HOMER2: variants seen among roughly 807,000 people sequenced by gnomAD.
The protein encoded by HOMER2 is homer protein homolog 2.
HOMER2 carries 27 observed loss-of-function variants against 47.0 expected under a neutral mutation model. The ratio of observed to expected loss-of-function variants is 0.57; its 90% CI spans 0.42 to 0.79. HOMER2 has a LOEUF of 0.79. Ranked by LOEUF, HOMER2 falls within the 30% of genes least tolerant of loss-of-function variation. The pLI, the probability that HOMER2 is intolerant of heterozygous loss-of-function variation, is 0.00. For synonymous variants in HOMER2, 161 were observed against 163.8 expected (o/e 0.98, Z 0.13); for missense variants, 443 against 435.0 (o/e 1.02, Z -0.16).
At chr15:82,898,782 GAA>G (rs1425562652) in intron 1 of HOMER2, among the ~76,000 whole-genome samples, 1 of 152,214 alleles carries the variant, frequency 6.6e-6, no homozygotes, top group African/African-American at 2.4e-5. Context: ...AAGAGAGAGA[GAA>G]ATGATGTTTT....
At chr15:82,969,447 C>T (rs1302392548) in intron 1 of HOMER2, among the ~76,000 whole-genome samples, 3 of 152,164 alleles carry the variant, frequency 2.0e-5, no homozygotes, top group Non-Finnish European at 4.4e-5. Context: ...CTTATGGCTG[C>T]CTAGACATCA....
downstream of HOMER2, among the ~76,000 whole-genome samples, chr15:82,848,488 TGTGA>T (rs953262142): frequency 2.3e-4 from 35 of 152,188 alleles, no homozygotes; most frequent in African/African-American, 8.2e-4. Flanking sequence ...TGAGCAGCTC[TGTGA>T]GAGAGGAGAG....
At chr15:82,860,977 G>GAGAGAGAGAGAGAGAGAGAA (rs71156059) in intron 4 of HOMER2, among the ~76,000 whole-genome samples, 19 of 144,470 alleles carry the variant, frequency 1.3e-4, no homozygotes, top group Non-Finnish European at 2.5e-4. Flanking sequence ...GAGAGAGAGA[G>GAGAGAGAGAGAGAGAGAGAA]AGAGAAAGCG....
chr15:82,864,782 C>T (rs1294318474), intron 3 of HOMER2, among the ~76,000 whole-genome samples: 1 of 152,296 alleles, frequency 6.6e-6, no homozygotes, highest in East Asian at 1.9e-4. Context: ...TTATTAATAT[C>T]TTAATAGTTC....
chr15:82,973,509 G>A (rs780741561), intron 1 of HOMER2, among the ~76,000 whole-genome samples: 2 of 152,244 alleles, frequency 1.3e-5, no homozygotes, highest in Admixed American at 6.5e-5. Context: ...TAATGGTAGC[G>A]CTAGTAGTCT....
chr15:82,907,725 G>A (rs879699177), intron 1 of HOMER2, among the ~76,000 whole-genome samples: 1 of 152,046 alleles, frequency 6.6e-6, no homozygotes, highest in Non-Finnish European at 1.5e-5. Flanking sequence ...ACCATATTCT[G>A]GGCCATAAAA....
chr15:82,876,900 G>C (rs758999419), intron 2 of HOMER2, among the ~76,000 whole-genome samples: 7 of 152,214 alleles, frequency 4.6e-5, no homozygotes, highest in Non-Finnish European at 8.8e-5. Flanking sequence ...ACAGCTGTCA[G>C]TAGTAACAGA....
intron 1 of HOMER2, among the ~76,000 whole-genome samples, chr15:82,960,360 T>A (rs1772921805): frequency 6.6e-6 from 1 of 152,084 alleles, no homozygotes; most frequent in African/African-American, 2.4e-5. Context: ...TTGGGAGCCA[T>A]CAGCAAGTCA....
intron 1 of HOMER2, among the ~76,000 whole-genome samples, chr15:82,967,995 C>T (rs2054691105): frequency 6.6e-6 from 1 of 152,174 alleles, no homozygotes; most frequent in South Asian, 2.1e-4. Flanking sequence ...CACATATTCA[C>T]TCATTCAAAA....
chr15:82,961,094 T>C (rs143014249), intron 1 of HOMER2, among the ~76,000 whole-genome samples: 1 of 152,338 alleles, frequency 6.6e-6, no homozygotes, highest in East Asian at 1.9e-4. Flanking sequence ...ATTTCCACCA[T>C]CTCTCCAACT....
chr15:82,837,053 G>A (rs1484897344), exon 2 of HOMER2: 1 of 152,260 alleles, frequency 6.6e-6, no homozygotes, highest in Non-Finnish European at 1.5e-5. Flanking sequence ...TCTTCTAAAG[G>A]CTCCGGGGAG....
At chr15:82,906,103 C>G (rs1471378860) in intron 1 of HOMER2, among the ~76,000 whole-genome samples, 1 of 152,042 alleles carries the variant, frequency 6.6e-6, no homozygotes, top group Non-Finnish European at 1.5e-5. Context: ...ATAGTGTTAT[C>G]TGAAAGTGAG....
At chr15:82,839,511 A>G (rs1248682308) in exon 2 of HOMER2, 1 of 152,258 alleles carries the variant, frequency 6.6e-6, no homozygotes, top group African/African-American at 2.4e-5. Context: ...ACTTAAAAAC[A>G]GACACAAATA....
chr15:82,914,180 C>T (rs895152725), intron 1 of HOMER2, among the ~76,000 whole-genome samples: 4 of 20,254 alleles, frequency 2.0e-4, no homozygotes, highest in Admixed American at 1.3e-3. Flanking sequence ...ACTAAAAATA[C>T]ACACACACAC....
exon 2 of HOMER2, chr15:82,840,143 C>T (rs924333990): frequency 6.6e-6 from 1 of 151,908 alleles, no homozygotes; most frequent in African/African-American, 2.4e-5. Context: ...GAGGAAAAGT[C>T]GTACCTTACA....
chr15:82,961,215 C>A (rs570062768), intron 1 of HOMER2, among the ~76,000 whole-genome samples: 1 of 152,338 alleles, frequency 6.6e-6, no homozygotes, highest in East Asian at 1.9e-4. Context: ...TCTACTCACA[C>A]AAAGCAAGAG....
chr15:82,928,896 A>C (rs904938158), intron 1 of HOMER2, among the ~76,000 whole-genome samples: 4 of 148,490 alleles, frequency 2.7e-5, no homozygotes, highest in Non-Finnish European at 5.9e-5. Context: ...GGAGAGCCCC[A>C]TCTACAAAAA....
intron 1 of HOMER2, among the ~76,000 whole-genome samples, chr15:82,897,137 GCT>G (rs2052958106): frequency 7.3e-6 from 1 of 136,088 alleles, no homozygotes; most frequent in South Asian, 2.2e-4. Flanking sequence ...CATGATCTTG[GCT>G]CACTGCAACC....
upstream of HOMER2, among the ~76,000 whole-genome samples, chr15:82,953,290 G>C (rs1159842782): frequency 6.6e-6 from 1 of 152,080 alleles, no homozygotes; most frequent in African/African-American, 2.4e-5. Flanking sequence ...AGATGCTCTG[G>C]GCTCTTTCCT....
Sources: gnomAD v4.1 joint callset for allele counts (sites outside exome capture counted in the v4.1 genomes callset) on GRCh38, gnomAD v4.1.1 for gene constraint, MANE v1.5 for transcripts, NCBI Gene and HGNC (gene_info 2026-07-23, HGNC 2026-07-21) for gene names.